Variants in ERO1B observed in about 807,000 individuals in gnomAD.
ERO1B encodes the protein endoplasmic reticulum oxidoreductase 1 beta.
In ERO1B, 49 loss-of-function variants were observed where a neutral mutation model predicts 75.3. That is an observed-to-expected ratio of 0.65 (90% CI 0.52 to 0.83). The LOEUF (loss-of-function observed/expected upper bound fraction) is 0.83. Ranked by LOEUF, ERO1B falls within the 40% of genes least tolerant of loss-of-function variation. The pLI, the probability that ERO1B is intolerant of heterozygous loss-of-function variation, is 0.00. For missense variants in ERO1B, 512 were observed against 560.1 expected (o/e 0.91, Z 0.87); for synonymous variants, 191 against 192.9 (o/e 0.99, Z 0.08).
intron 12 of ERO1B, among the ~76,000 whole-genome samples, chr1:236,225,356 CTG>C (rs764624955): frequency 6.1e-4 from 93 of 152,196 alleles, no homozygotes; most frequent in Middle Eastern, 3.4e-3. Flanking sequence ...TTTAGTAAGA[CTG>C]TAATGTTTTA....
At chr1:236,243,080 G>T (rs533162719) in intron 6 of ERO1B, among the ~76,000 whole-genome samples, 1 of 152,336 alleles carries the variant, frequency 6.6e-6, no homozygotes, top group South Asian at 2.1e-4. Context: ...ATAATGGAAA[G>T]AATACAGGTT....
At chr1:236,257,233 C>G (rs1181607895) in intron 2 of ERO1B, among the ~76,000 whole-genome samples, 2 of 152,152 alleles carry the variant, frequency 1.3e-5, no homozygotes, top group African/African-American at 4.8e-5. Context: ...GGAAGAAACA[C>G]CTGGTACATA....
rs1331358903 is a variant in ERO1B, at chr1:236,226,679, T to C, written c.773A>G (p.Asn258Ser). 16 of 1,612,842 alleles carry C rather than the reference T, an allele frequency of 9.9e-6. No homozygotes were observed. The highest frequency in any genetic ancestry group is 1.4e-5 in the Non-Finnish European group (16 of 1,179,798). The change falls in exon 11 of 16, where the codon AAT becomes AGT. Residue 258 changes from asparagine to serine, a missense_variant. Asn to Ser is a conservative substitution (Grantham distance 46, BLOSUM62 1). Coordinates refer to ENST00000354619, the MANE Select transcript of ERO1B (RefSeq NM_019891.4). ...KLISGLHASI[N>S]LHLCANYLLE... is the part of the protein sequence containing the mutation. ...AAGATAATTTGCGCATAGATGTAAA[T>C]TGATGCTAGCATGAAGTCCCGATAT...
chr1:236,260,979 T>C (rs1337558689), intron 2 of ERO1B, among the ~76,000 whole-genome samples: 4 of 151,982 alleles, frequency 2.6e-5, no homozygotes, highest in Admixed American at 2.6e-4. Context: ...CAAGTGAGAT[T>C]TATCCCAGAG....
chr1:236,280,848 C>T (rs1283466900), intron 1 of ERO1B, among the ~76,000 whole-genome samples: 6 of 152,212 alleles, frequency 3.9e-5, no homozygotes, highest in Non-Finnish European at 5.9e-5. Flanking sequence ...GTGCAGACAA[C>T]AAGCAGCAGC....
chr1:236,277,459 T>G (rs911678715), intron 1 of ERO1B, among the ~76,000 whole-genome samples: 15 of 150,758 alleles, frequency 9.9e-5, no homozygotes, highest in African/African-American at 3.4e-4. Flanking sequence ...AAATTCCATT[T>G]GAGAAGGAAA....
At chr1:236,252,959 G>GT (rs11378310) in intron 3 of ERO1B, among the ~76,000 whole-genome samples, 46,677 of 151,008 alleles carry the variant, frequency 0.31, 7,775 homozygotes, top group East Asian at 0.75. Flanking sequence ...TTAAGTATAG[G>GT]TTTTTTTTTA....
At chr1:236,227,122 TTA>T (rs1664299273) in intron 10 of ERO1B, among the ~76,000 whole-genome samples, 1 of 152,176 alleles carries the variant, frequency 6.6e-6, no homozygotes, top group Non-Finnish European at 1.5e-5. Flanking sequence ...TCCCCCTTCC[TTA>T]TATGTGTTAT....
At chr1:236,232,088 T>A (rs1418167340) in intron 9 of ERO1B, among the ~76,000 whole-genome samples, 3 of 152,150 alleles carry the variant, frequency 2.0e-5, no homozygotes, top group African/African-American at 7.2e-5. Context: ...ATGCTACCCC[T>A]CCTCCAGTAA....
In ERO1B at chr1:236,236,364, T is replaced by C. The variant is rs149763329; in HGVS notation, c.540A>G (p.Leu180=). The C allele has an allele frequency of 1.5e-5, 24 of 1,613,078 alleles. No individual in the cohort carries two copies. The highest frequency in any genetic ancestry group is 8.0e-5 in the African/African-American group (6 of 74,800). Residue 180 remains leucine (L), a synonymous_variant, in exon 7 of 16, where the codon CTA becomes CTG. Transcript: ENST00000354619. The part of the protein sequence containing the change: ...ERSPAAQYVD[L]LLNPERYTGY... Reference sequence around the variant, plus strand: ...CAGTGTAACGCTCTGGGTTCAGCAATAGGTCTACATACTGAGCAGCTGGAG... The same window carrying C: ...CAGTGTAACGCTCTGGGTTCAGCAACAGGTCTACATACTGAGCAGCTGGAG...
rs1194584888 is a variant in ERO1B at position 236,225,139 on chromosome 1, C to T, written c.1053G>A (p.Lys351=). The T allele has an allele frequency of 3.1e-6, 5 of 1,613,540 alleles. No individual in the cohort carries two copies. The highest frequency in any genetic ancestry group is 3.4e-6 in the Non-Finnish European group (4 of 1,179,686). ...TCTCATCAAAGTGCATGGGAAAGGA[C>T]CTGATAAAATGATAGTATTGGATTA... ...TLLLNIFQDT[K]SFPMHFDEKS... Residue 351 remains lysine (K), a splice_region_variant and synonymous_variant, in exon 13 of 16, where the codon AAG becomes AAA. Coordinates refer to ENST00000354619, the MANE Select transcript of ERO1B (RefSeq NM_019891.4).
intron 2 of ERO1B, among the ~76,000 whole-genome samples, chr1:236,258,162 A>AAAAAAAAAAAAC (rs1553373457): frequency 8.1e-5 from 11 of 136,298 alleles, no homozygotes; most frequent in African/African-American, 2.4e-4. Flanking sequence ...AAAAAAAAAA[A>AAAAAAAAAAAAC]ACCCAGCCAG....
intron 10 of ERO1B, among the ~76,000 whole-genome samples, chr1:236,228,028 GATCT>G (rs1664318710): frequency 6.6e-6 from 1 of 152,066 alleles, no homozygotes; most frequent in Non-Finnish European, 1.5e-5. Context: ...CTTTTCATCA[GATCT>G]ATTATCAAGT....
intron 2 of ERO1B, among the ~76,000 whole-genome samples, chr1:236,266,559 G>T (rs1049673361): frequency 4.6e-5 from 7 of 151,146 alleles, no homozygotes; most frequent in African/African-American, 1.7e-4. Flanking sequence ...AACCAAGATC[G>T]TACCACTGCA....
At position 236,217,227 on chromosome 1, in the gene ERO1B, T is replaced by C. The variant is rs1572024232; in HGVS notation, c.*1289A>G. Reference sequence around the variant, plus strand: ...GAGTCTAAGGAAAAACTCTAGATCTTGTACCTGCATTACTTCTACACAGAT... The same window carrying C: ...GAGTCTAAGGAAAAACTCTAGATCTCGTACCTGCATTACTTCTACACAGAT... On this transcript the variant is annotated 3_prime_UTR_variant, in exon 16 of 16. Transcript: ENST00000354619. 2 of 152,142 alleles carry C rather than the reference T, an allele frequency of 1.3e-5. No individual in the cohort carries two copies. The highest frequency in any genetic ancestry group is 4.8e-5 in the African/African-American group (2 of 41,450). The allele number at this position is 152,142 out of a possible 1,614,324, so 9.4% of individuals were successfully genotyped here.
intron 2 of ERO1B, among the ~76,000 whole-genome samples, chr1:236,264,280 T>C (rs1219683769): frequency 6.6e-6 from 1 of 152,106 alleles, no homozygotes; most frequent in Non-Finnish European, 1.5e-5. Context: ...GCTAGTTTCT[T>C]GTATTTTTAG....
rs1664017292 is a variant in ERO1B, at chr1:236,217,360, GTATGAAT to G, written c.*1149_*1155del. Reference sequence around the variant, plus strand: ...AGAAAATGACAGTTTAGGACTGTTGGTATGAATCACAGAAAGTCCTCTGTTGGTATGA... The same window carrying G: ...AGAAAATGACAGTTTAGGACTGTTGGCACAGAAAGTCCTCTGTTGGTATGA... On this transcript the variant is annotated 3_prime_UTR_variant, in exon 16 of 16. Transcript: ENST00000354619. 3 of 43,804 alleles carry G rather than the reference GTATGAAT, an allele frequency of 6.8e-5. No individual in the cohort carries two copies. The highest frequency in any genetic ancestry group is 1.9e-4 in the African/African-American group (2 of 10,528). The allele number at this position is 43,804 out of a possible 1,614,324, so 2.7% of individuals were successfully genotyped here.
At chr1:236,245,334 A>G (rs1389905715) in intron 5 of ERO1B, among the ~76,000 whole-genome samples, 10 of 31,112 alleles carry the variant, frequency 3.2e-4, no homozygotes, top group African/African-American at 5.7e-4. Flanking sequence ...ACACACGTAT[A>G]TATATACGTA....
At chr1:236,228,768 G>A (rs1166144866) in intron 10 of ERO1B, among the ~76,000 whole-genome samples, 5 of 152,102 alleles carry the variant, frequency 3.3e-5, no homozygotes, top group South Asian at 2.1e-4. Context: ...TCCTCTCCAC[G>A]CTCCAGATGA....
Sources: allele counts gnomAD v4.1 joint callset (sites outside exome capture counted in the v4.1 genomes callset), GRCh38; gene constraint gnomAD v4.1.1; transcripts MANE v1.5; gene names NCBI Gene and HGNC (gene_info 2026-07-23, HGNC 2026-07-21).